The following OGG1 variants were observed in gnomAD, a reference collection of about 807,000 sequenced individuals.
OGG1 encodes 8-oxoguanine DNA glycosylase.
Under a neutral mutation model 42.3 loss-of-function variants are expected in OGG1, and 35 were observed. That is an observed-to-expected ratio of 0.83 (90% CI 0.63 to 1.10). The LOEUF (loss-of-function observed/expected upper bound fraction) is 1.10, where lower values mean the gene tolerates loss of function less well. Among genes scored for constraint, OGG1 ranks in the 50% least tolerant of loss-of-function variants. OGG1 has a pLI of 0.00. For synonymous variants in OGG1, 189 were observed against 179.0 expected (o/e 1.06, Z -0.44); for missense variants, 484 against 446.7 (o/e 1.08, Z -0.75).
downstream of OGG1, chr3:9,789,793 A>G: frequency 6.2e-7 from 1 of 1,614,222 alleles, no homozygotes; most frequent in Non-Finnish European, 8.5e-7. Context: ...TCTTGGGCTG[A>G]AGGTTTTTGG....
downstream of OGG1, chr3:9,790,064 T>C (rs1575309176): frequency 7.1e-7 from 1 of 1,401,672 alleles, no homozygotes; most frequent in East Asian, 2.5e-5. Flanking sequence ...CAGAGGCTCC[T>C]GGGTCTTTCC....
At chr3:9,761,483 T>C (rs774580814), downstream of OGG1, 30 of 1,613,028 alleles carry the variant, frequency 1.9e-5, no homozygotes, top group Non-Finnish European at 2.5e-5. Flanking sequence ...ATGACACCTA[T>C]GGACCAGCAA....
downstream of OGG1, among the ~76,000 whole-genome samples, chr3:9,769,244 G>GACAC (rs142285715): frequency 6.7e-6 from 1 of 149,984 alleles, no homozygotes; most frequent in African/African-American, 2.5e-5. Flanking sequence ...ATGACACCCA[G>GACAC]ACACACACAC....
chr3:9,780,654 TG>T, intron 2 of OGG1: 1 of 1,226,810 alleles, frequency 8.2e-7, no homozygotes, highest in Non-Finnish European at 1.1e-6. Flanking sequence ...GGCATGCCTG[TG>T]GATTGTGTCA....
downstream of OGG1, chr3:9,759,091 A>G (rs2077723458): frequency 9.8e-7 from 1 of 1,015,328 alleles, no homozygotes; most frequent in Admixed American, 1.7e-5. Flanking sequence ...CAGTCCCCTC[A>G]GCCCCTCCAG....
chr3:9,756,404 G>C, intron 4 of OGG1, 67 bp from the exon 5 acceptor site: 1 of 1,559,228 alleles, frequency 6.4e-7, no homozygotes, highest in African/African-American at 1.4e-5. Context: ...CGGCTTTGGG[G>C]CTATAAGCAA....
At chr3:9,753,404 G>A (rs1429221886) in intron 3 of OGG1, among the ~76,000 whole-genome samples, 2 of 150,044 alleles carry the variant, frequency 1.3e-5, no homozygotes, top group African/African-American at 2.5e-5. Context: ...CGTAATCCCA[G>A]CATTTTGGGA....
intron 3 of OGG1, among the ~76,000 whole-genome samples, chr3:9,753,392 C>T (rs897568415): frequency 6.7e-6 from 1 of 150,042 alleles, no homozygotes; most frequent in African/African-American, 2.5e-5. Flanking sequence ...GTGGCTCACA[C>T]CCGTAATCCC....
chr3:9,752,931 C>G (rs1489990719), intron 3 of OGG1, among the ~76,000 whole-genome samples: 1 of 151,932 alleles, frequency 6.6e-6, no homozygotes, highest in African/African-American at 2.4e-5. Flanking sequence ...GGCACCTGTC[C>G]CAGCTACTCC....
At chr3:9,767,683 G>A (rs771056998), downstream of OGG1, 9 of 1,614,082 alleles carry the variant, frequency 5.6e-6, no homozygotes, top group Admixed American at 3.3e-5. Flanking sequence ...AGAACATCTC[G>A]GAAGTCGTAG....
At chr3:9,776,139 T>G (rs1409303343) in intron 2 of OGG1, among the ~76,000 whole-genome samples, 1 of 152,162 alleles carries the variant, frequency 6.6e-6, no homozygotes, top group Non-Finnish European at 1.5e-5. Flanking sequence ...GCTTCATCTC[T>G]TATCCTTTCC....
downstream of OGG1, chr3:9,759,503 G>C: frequency 6.2e-7 from 1 of 1,614,148 alleles, no homozygotes; most frequent in Non-Finnish European, 8.5e-7. Context: ...ACTTGCTCTT[G>C]GCAAAGTTCT....
chr3:9,787,714 G>T, intron 3 of OGG1: 1 of 1,309,616 alleles, frequency 7.6e-7, no homozygotes, highest in Non-Finnish European at 1.0e-6. Context: ...CTGTCTGTAT[G>T]AACTCTTTTT....
chr3:9,789,621 G>C, downstream of OGG1: 1 of 1,613,742 alleles, frequency 6.2e-7, no homozygotes, highest in Non-Finnish European at 8.5e-7. Context: ...GAACCTGCAG[G>C]GAGAAGCAGA....
chr3:9,760,267 A>C (rs80294311), downstream of OGG1: 1 of 186,228 alleles, frequency 5.4e-6, no homozygotes, highest in East Asian at 1.4e-4. Flanking sequence ...AAAAAAAAAA[A>C]GTTGTTCTTG....
intron 6 of OGG1, 82 bp downstream of exon 6, chr3:9,756,898 G>A (rs2077594926): frequency 6.2e-7 from 1 of 1,612,024 alleles, no homozygotes. Context: ...GCCCCAGGTG[G>A]CCCTAAAGGA....
Position 9,751,142 on chromosome 3 carries a change from A to G in OGG1, c.335A>G (p.His112Arg), listed in dbSNP as rs769541124. 38 of 1,614,198 alleles carry G rather than the reference A, an allele frequency of 2.4e-5. No individual in the cohort carries two copies. The highest frequency in any genetic ancestry group is 3.1e-5 in the Non-Finnish European group (36 of 1,180,026). ...LDVTLAQLYHHWGSVDSHFQE... is the reference protein window; with the variant it reads ...LDVTLAQLYHRWGSVDSHFQE... ...GTTACCCTGGCTCAACTGTATCACC[A>G]CTGGGGTTCCGTGGACTCCCACTTC... Residue 112 changes from histidine to arginine, a missense_variant, in exon 2 of 7, where the codon CAC becomes CGC. By Grantham distance (29) the His-to-Arg change is conservative. Coordinates refer to ENST00000344629, the MANE Select transcript of OGG1 (RefSeq NM_002542.6).
chr3:9,787,124 G>T, intron 3 of OGG1: 1 of 1,614,212 alleles, frequency 6.2e-7, no homozygotes, highest in Non-Finnish European at 8.5e-7. Flanking sequence ...GCGGGCACAG[G>T]AAAGGAGGGG....
chr3:9,776,316 G>T (rs1474439677), intron 2 of OGG1, among the ~76,000 whole-genome samples: 1 of 151,480 alleles, frequency 6.6e-6, no homozygotes, highest in African/African-American at 2.4e-5. Flanking sequence ...GACCCTCTAA[G>T]CTGTTGTTAA....
Sources: gnomAD v4.1 joint callset for allele counts (sites outside exome capture counted in the v4.1 genomes callset) on GRCh38, gnomAD v4.1.1 for gene constraint, MANE v1.5 for transcripts, NCBI Gene and HGNC (gene_info 2026-07-23, HGNC 2026-07-21) for gene names.